HACD2: variants seen among roughly 807,000 people sequenced by gnomAD.
The protein encoded by HACD2 is 3-hydroxyacyl-CoA dehydratase 2.
Under a neutral mutation model 31.0 loss-of-function variants are expected in HACD2, and 15 were observed. The observed-to-expected ratio is 0.48, with a 90% CI of 0.32 to 0.75. HACD2 has a LOEUF of 0.75. Ranked by LOEUF, HACD2 falls within the 30% of genes least tolerant of loss-of-function variation. HACD2 has a pLI of 0.03. For synonymous variants in HACD2, 115 were observed against 122.2 expected, an observed-to-expected ratio of 0.94 and a Z score of 0.39; for missense variants, 283 against 313.0, an observed-to-expected ratio of 0.90 and a Z score of 0.72.
chr3:123,542,624 G>A (rs1015643392), intron 3 of HACD2, among the ~76,000 whole-genome samples: 9 of 152,184 alleles, frequency 5.9e-5, no homozygotes, highest in Admixed American at 3.3e-4. Flanking sequence ...TGTATATATC[G>A]ACACAGACAT....
At chr3:123,571,244 C>T (rs2056853081) in intron 2 of HACD2, among the ~76,000 whole-genome samples, 1 of 152,188 alleles carries the variant, frequency 6.6e-6, no homozygotes. Context: ...GGTGGTAGGG[C>T]AGCATTCTTA....
At chr3:123,570,365 T>C (rs540788299) in intron 2 of HACD2, among the ~76,000 whole-genome samples, 41 of 152,290 alleles carry the variant, frequency 2.7e-4, no homozygotes, top group Admixed American at 9.2e-4. Flanking sequence ...TAGTAAATTA[T>C]GAAAATAAGT....
chr3:123,515,783 T>A (rs2056127532), intron 4 of HACD2, among the ~76,000 whole-genome samples: 1 of 151,360 alleles, frequency 6.6e-6, no homozygotes, highest in Non-Finnish European at 1.5e-5. Context: ...TGAGACGGAG[T>A]CTTGCTCTGT....
chr3:123,527,977 G>T (rs2056305833), intron 4 of HACD2, among the ~76,000 whole-genome samples: 1 of 152,172 alleles, frequency 6.6e-6, no homozygotes, highest in African/African-American at 2.4e-5. Context: ...TGATGACTTG[G>T]GTCAGGTGTG....
rs771975073 is a variant in HACD2, at chr3:123,528,447, G to T, written c.320C>A (p.Thr107Asn). 2.5e-6 allele frequency: 4 copies of T among 1,612,346 alleles called. No homozygotes were observed. In the South Asian group the frequency reaches 4.4e-5, roughly 18 times the overall value. ...AACTCTTGACATCACCTGGAAAGAA[G>T]TCAGGACAACAGAAGATGGAACAAT... ...IGIVPSSVVLTSFQVMSRVFL... is the reference protein window; with the variant it reads ...IGIVPSSVVLNSFQVMSRVFL... The change falls in exon 4 of 7, where the codon ACT becomes AAT. Residue 107 changes from threonine (T) to asparagine (N), a missense_variant. This residue lies in a region of HACD2 where 158 missense variants were observed against 148.3 expected (regional missense o/e 1.07). Coordinates refer to ENST00000383657, the MANE Select transcript of HACD2 (RefSeq NM_198402.5).
At chr3:123,547,343 A>C (rs546569267) in intron 3 of HACD2, among the ~76,000 whole-genome samples, 1 of 152,326 alleles carries the variant, frequency 6.6e-6, no homozygotes, top group Admixed American at 6.5e-5. Flanking sequence ...AAGAGCTAGG[A>C]CATATGTATT....
At chr3:123,497,476 A>C (rs1048051052) in intron 6 of HACD2, among the ~76,000 whole-genome samples, 1 of 152,134 alleles carries the variant, frequency 6.6e-6, no homozygotes, top group African/African-American at 2.4e-5. Flanking sequence ...ACAGCACCAG[A>C]TATGCTCTCT....
intron 6 of HACD2, chr3:123,499,566 C>T (rs1032912206): frequency 2.2e-6 from 1 of 445,398 alleles, no homozygotes; most frequent in Non-Finnish European, 4.5e-6. Flanking sequence ...GGGACACAAG[C>T]ATGTCGCTTT....
intron 3 of HACD2, among the ~76,000 whole-genome samples, chr3:123,529,545 C>G (rs888808209): frequency 6.6e-6 from 1 of 152,088 alleles, no homozygotes; most frequent in Admixed American, 6.5e-5. Flanking sequence ...CACAACATAG[C>G]GAGACCTTGT....
chr3:123,542,779 G>A (rs958557978), intron 3 of HACD2, among the ~76,000 whole-genome samples: 3 of 152,126 alleles, frequency 2.0e-5, no homozygotes, highest in Non-Finnish European at 2.9e-5. Flanking sequence ...ACATTCTGTC[G>A]TATCAGAAAG....
rs914565486 is a variant in HACD2, at chr3:123,493,659, A to C, written c.*1229T>G. ...TTGCAGTACCAATCCTTTCTTGAGGAGTTTTAAATGCATGGTTGAGCAATT... is the reference window on the plus strand; with the variant it reads ...TTGCAGTACCAATCCTTTCTTGAGGCGTTTTAAATGCATGGTTGAGCAATT... On this transcript the variant is annotated 3_prime_UTR_variant, in exon 7 of 7. Coordinates refer to ENST00000383657, the MANE Select transcript of HACD2 (RefSeq NM_198402.5). The C allele has an allele frequency of 6.6e-6, 1 of 151,930 alleles. No individual in the cohort carries two copies. 9.4% of individuals were successfully genotyped at this position (151,930 alleles called of 1,614,324 possible).
At chr3:123,525,654 G>A (rs895172438) in intron 4 of HACD2, among the ~76,000 whole-genome samples, 2 of 152,166 alleles carry the variant, frequency 1.3e-5, no homozygotes, top group Admixed American at 6.5e-5. Flanking sequence ...AGAGGGGGTG[G>A]AGCAGGAGTC....
At chr3:123,538,975 C>T (rs1013054792) in intron 3 of HACD2, among the ~76,000 whole-genome samples, 6 of 152,090 alleles carry the variant, frequency 3.9e-5, no homozygotes, top group African/African-American at 1.4e-4. Flanking sequence ...CTGTGATGTA[C>T]GAGTAATTTA....
chr3:123,555,634 T>C (rs2056665324), intron 3 of HACD2, among the ~76,000 whole-genome samples: 1 of 152,154 alleles, frequency 6.6e-6, no homozygotes, highest in African/African-American at 2.4e-5. Context: ...AGAGTCAATA[T>C]TGTTAAGGTG....
chr3:123,557,730 C>T (rs2056687493), intron 3 of HACD2, among the ~76,000 whole-genome samples: 1 of 152,176 alleles, frequency 6.6e-6, no homozygotes, highest in Non-Finnish European at 1.5e-5. Flanking sequence ...ATAATCAATA[C>T]ACCACTACAC....
intron 4 of HACD2, among the ~76,000 whole-genome samples, chr3:123,523,702 CTG>C (rs2056245937): frequency 6.6e-6 from 1 of 152,166 alleles, no homozygotes; most frequent in Admixed American, 6.5e-5. Context: ...GGTGTCGGCA[CTG>C]TGTTACCTCA....
chr3:123,560,863 C>T lies in HACD2; in HGVS notation c.292+6899G>A, dbSNP rs1442816208. Among the ~76,000 whole-genome samples the T allele has an allele frequency of 2.6e-5, 4 of 152,102 alleles. No individual in the cohort carries two copies. In the East Asian group the frequency reaches 7.7e-4, roughly 29 times the overall value. On this transcript the variant is annotated intron_variant, in intron 3 of 6. Transcript: ENST00000383657. ...AATGCAGTAATGTTTCTGTGCCCAG[C>T]CACACTGCTGAAGGCTGGGCACAGG...
chr3:123,512,788 C>CT (rs1267955194), intron 4 of HACD2, among the ~76,000 whole-genome samples: 6 of 152,184 alleles, frequency 3.9e-5, no homozygotes, highest in Non-Finnish European at 7.3e-5. Flanking sequence ...TATATACACA[C>CT]ACAGCTATAT....
intron 3 of HACD2, among the ~76,000 whole-genome samples, chr3:123,546,568 C>T (rs763085896): frequency 2.6e-5 from 4 of 152,124 alleles, no homozygotes; most frequent in Non-Finnish European, 5.9e-5. Context: ...TCATCACAGA[C>T]GTCTTATAAC....
Sources: gnomAD v4.1 joint callset for allele counts (sites outside exome capture counted in the v4.1 genomes callset) on GRCh38, gnomAD v4.1.1 for gene constraint, gnomAD v4.1.1 regional missense constraint, MANE v1.5 for transcripts, NCBI Gene and HGNC (gene_info 2026-07-23, HGNC 2026-07-21) for gene names.